Variants in ABCC5 observed in about 807,000 individuals in gnomAD.
ABCC5 encodes ATP-binding cassette sub-family C member 5.
In ABCC5, 61 loss-of-function variants were observed where a neutral mutation model predicts 160.9. That is an observed-to-expected ratio of 0.38 (90% CI 0.31 to 0.47). The LOEUF (loss-of-function observed/expected upper bound fraction) is 0.47, where lower values mean the gene tolerates loss of function less well. Ranked by LOEUF, ABCC5 falls within the 20% of genes least tolerant of loss-of-function variation. The probability of loss-of-function intolerance (pLI) is 0.99; values close to 1 mark genes in which losing one functional copy is unlikely to be tolerated. For synonymous variants in ABCC5, 666 were observed against 700.6 expected, an observed-to-expected ratio of 0.95 and a Z score of 0.78; for missense variants, 1,308 against 1,813.3, an observed-to-expected ratio of 0.72 and a Z score of 5.06.
In ABCC5 at chr3:183,927,328, AC is replaced by A; in HGVS notation, c.4047+1del. On this transcript the variant is annotated splice_donor_variant, in intron 28 of 29. Coordinates refer to ENST00000334444, the MANE Select transcript of ABCC5 (RefSeq NM_005688.4). LOFTEE classifies it high-confidence loss of function. ...GCTGCTGCCAACCCCAAACTGCCTT[AC>A]CTTACAGTGGCGGAGCAGGGCTCTA... is the stretch of plus-strand genomic sequence containing the variant. The A allele has an allele frequency of 6.2e-7, 1 of 1,612,894 alleles. No individual in the cohort carries two copies.
Position 183,988,612 on chromosome 3 carries a change from A to C in ABCC5, c.403T>G (p.Ser135Ala). ...KGELSMEDVW[S>A]LSKHESSDVN... ...TCAGAAGACTCGTGCTTGGACAGAGACCACACGTCTTCCATTGAGAGCTCC... is the reference window on the plus strand; with the variant it reads ...TCAGAAGACTCGTGCTTGGACAGAGCCCACACGTCTTCCATTGAGAGCTCC... Residue 135 changes from serine to alanine, a missense_variant, in exon 4 of 30, where the codon TCT (serine) becomes GCT (alanine). Transcript: ENST00000334444. The surrounding 1 kb of genome is among the most constrained non-coding windows in gnomAD (Gnocchi z 4.4). The C allele has an allele frequency of 6.2e-7, 1 of 1,614,210 alleles. No homozygotes were observed. The highest frequency in any genetic ancestry group is 8.5e-7 in the Non-Finnish European group (1 of 1,180,016).
chr3:183,972,094 G>T, intron 10 of ABCC5, 175 bp from the exon 11 acceptor site: 2 of 1,321,874 alleles, frequency 1.5e-6, no homozygotes, highest in Non-Finnish European at 2.1e-6. Context: ...AAGGGGTCAC[G>T]GGAGTGTGGG....
chr3:183,993,688 A>T (rs1719985675), intron 2 of ABCC5, among the ~76,000 whole-genome samples: 2 of 152,196 alleles, frequency 1.3e-5, no homozygotes, highest in Admixed American at 1.3e-4. Context: ...ATGTGGAAGC[A>T]ACTAAATGCC....
intron 17 of ABCC5, among the ~76,000 whole-genome samples, chr3:183,959,500 C>T (rs1460514963): frequency 6.6e-6 from 1 of 152,172 alleles, no homozygotes; most frequent in Non-Finnish European, 1.5e-5. Context: ...CCCCACCCTG[C>T]ACAGGAGAAG....
intron 25 of ABCC5, 53 bp from the exon 26 acceptor site, chr3:183,938,113 A>T: frequency 6.3e-7 from 1 of 1,586,102 alleles, no homozygotes; most frequent in Non-Finnish European, 8.6e-7. Context: ...GTCTGTGAGG[A>T]CAATGCTGGT....
At chr3:184,006,322 C>T (rs1370569811) in intron 2 of ABCC5, 1 of 145,000 alleles carries the variant, frequency 6.9e-6, no homozygotes, top group Admixed American at 6.9e-5. Flanking sequence ...AAAAAAAAGG[C>T]AGGTATTCTT....
At chr3:183,941,415 T>A (rs190941561) in intron 25 of ABCC5, among the ~76,000 whole-genome samples, 19 of 152,308 alleles carry the variant, frequency 1.2e-4, no homozygotes, top group Middle Eastern at 3.4e-3. Context: ...GAGCAATGTC[T>A]TGTTTTGACG....
At chr3:183,922,368 C>A (rs950358332) in intron 29 of ABCC5, among the ~76,000 whole-genome samples, 1 of 151,730 alleles carries the variant, frequency 6.6e-6, no homozygotes, top group East Asian at 1.9e-4. Flanking sequence ...AGCGAAACTC[C>A]GTCTCAAAAA....
intron 12 of ABCC5, among the ~76,000 whole-genome samples, chr3:183,966,028 C>G (rs1560015460): frequency 6.6e-6 from 1 of 152,206 alleles, no homozygotes; most frequent in African/African-American, 2.4e-5. Context: ...TGCCTGCCCA[C>G]AAGCAGTGAT....
rs553788268 is a variant in ABCC5, at chr3:183,920,530, G to C, written c.*770C>G. On this transcript the variant is annotated 3_prime_UTR_variant, in exon 30 of 30. Transcript: ENST00000334444. This position sits in a 1 kb window ranked among gnomAD's most constrained non-coding sequence, Gnocchi z 4.1. ...AAGAAGGCAGGAAAGAAACTCCCCG[G>C]CTCGGAGGAATGTCTCTGTGATCCC... The C allele has an allele frequency of 6.5e-6, 1 of 152,798 alleles. No homozygotes were observed. The highest frequency in any genetic ancestry group is 2.4e-5 in the African/African-American group (1 of 41,568). 9.5% of individuals were successfully genotyped at this position (152,798 alleles called of 1,614,324 possible).
Position 183,982,655 on chromosome 3 carries a change from CT to C in ABCC5, c.826-32del. The stretch of plus-strand genomic sequence containing the variant: ...AGATACAAAGAGTAGTGAGGGGACC[CT>C]GCAAGGACACGGTTCATTTGTCTCA... On this transcript the variant is annotated intron_variant, in intron 6 of 29. Transcript: ENST00000334444. The surrounding 1 kb of genome is among the most constrained non-coding windows in gnomAD (Gnocchi z 5.2). The C allele has an allele frequency of 6.2e-7, 1 of 1,612,172 alleles. No individual in the cohort carries two copies. The highest frequency in any genetic ancestry group is 8.5e-7 in the Non-Finnish European group (1 of 1,178,570).
intron 2 of ABCC5, among the ~76,000 whole-genome samples, chr3:184,003,568 T>C (rs1384434471): frequency 6.6e-6 from 1 of 152,196 alleles, no homozygotes; most frequent in African/African-American, 2.4e-5. Flanking sequence ...GTCCTATCAC[T>C]CAACAGCTAT....
At chr3:183,927,263 T>C (rs1393200369) in intron 28 of ABCC5, 67 bp downstream of exon 28, 2 of 1,499,404 alleles carry the variant, frequency 1.3e-6, no homozygotes, top group Non-Finnish European at 1.8e-6. Flanking sequence ...TGGACCCCAG[T>C]GTGTCAGGGC....
rs548454055 is a variant in ABCC5, at chr3:183,956,792, G to A, written c.2482+2941C>T. 2.3e-4 allele frequency among the ~76,000 whole-genome samples: 14 copies of A among 60,574 alleles called. 3 individuals carry two copies. Among genetic ancestry groups the A allele is most frequent in the East Asian group, 2.7e-3 (2 of 736 alleles). 39.7% of individuals were successfully genotyped at this position (60,574 alleles called of 152,430 possible). On this transcript the variant is annotated intron_variant, in intron 17 of 29. Coordinates refer to ENST00000334444, the MANE Select transcript of ABCC5 (RefSeq NM_005688.4). ...CATCACATCGGTTACATGCGGATCCGTGTGTATATCACATCTGTTACATGC... is the reference window on the plus strand; with the variant it reads ...CATCACATCGGTTACATGCGGATCCATGTGTATATCACATCTGTTACATGC...
At position 183,988,632 on chromosome 3, in the gene ABCC5, A is replaced by G. The variant is rs1466654977; in HGVS notation, c.383T>C (p.Leu128Pro). The G allele has an allele frequency of 6.2e-7, 1 of 1,614,236 alleles. No homozygotes were observed. Among genetic ancestry groups the G allele is most frequent in the Non-Finnish European group, 8.5e-7 (1 of 1,180,048 alleles). The change falls in exon 4 of 30, where the codon CTC becomes CCC. Residue 128 changes from leucine to proline, a missense_variant. Leu to Pro is a moderately conservative substitution (Grantham distance 98). Transcript: ENST00000334444. This position sits in a 1 kb window ranked among gnomAD's most constrained non-coding sequence, Gnocchi z 4.4. The stretch of plus-strand genomic sequence containing the variant: ...CAGAGACCACACGTCTTCCATTGAG[A>G]GCTCCCCCTTCTTGTGGGCCACACG... The part of the protein sequence containing the change: ...LARVAHKKGE[L>P]SMEDVWSLSK...
In ABCC5 at chr3:183,947,457, G is replaced by A. The variant is rs778463808; in HGVS notation, c.3281C>T (p.Ala1094Val). ...CAGCCGCACAGCCAGCCACCGCATCGCACACGTAAACAAAAAAAAAGGAGC... is the reference window on the plus strand; with the variant it reads ...CAGCCGCACAGCCAGCCACCGCATCACACACGTAAACAAAAAAAAAGGAGC... ...NQAPFFLFTC[A>V]MRWLAVRLDL... Residue 1094 changes from alanine (A) to valine (V), a missense_variant, in exon 23 of 30, where the codon GCG becomes GTG. Transcript: ENST00000334444. 1.9e-5 allele frequency: 30 copies of A among 1,611,372 alleles called. No homozygotes were observed. In the East Asian group the frequency reaches 3.1e-4, roughly 17 times the overall value.
At chr3:183,937,055 G>A (rs957370584) in intron 26 of ABCC5, among the ~76,000 whole-genome samples, 1 of 152,168 alleles carries the variant, frequency 6.6e-6, no homozygotes, top group Non-Finnish European at 1.5e-5. Context: ...AACATGAGTA[G>A]TAATAATGCC....
chr3:183,953,205 T>A lies in ABCC5; in HGVS notation c.2548A>T (p.Ile850Phe). 5 of 1,614,190 alleles carry A rather than the reference T, an allele frequency of 3.1e-6. No individual in the cohort carries two copies. The highest frequency in any genetic ancestry group is 3.4e-6 in the Non-Finnish European group (4 of 1,180,032). ...GCCAAGGGGCCCCCAGCAGCCTGGA[T>A]GTAGACACCATATACTGACCAGGGC... The part of the protein sequence containing the change: ...SVPWSVYGVY[I>F]QAAGGPLAFL... The change falls in exon 18 of 30, where the codon ATC becomes TTC. Residue 850 changes from isoleucine (I) to phenylalanine (F), a missense_variant. This residue lies in a region of ABCC5 where 1,142 missense variants were observed against 1,527.1 expected (regional missense o/e 0.75). Coordinates refer to ENST00000334444, the MANE Select transcript of ABCC5 (RefSeq NM_005688.4).
At chr3:183,984,797 C>T (rs765839972) in intron 5 of ABCC5, 3 of 1,572,072 alleles carry the variant, frequency 1.9e-6, no homozygotes, top group South Asian at 2.3e-5. Flanking sequence ...AGGGCCAAAG[C>T]CCCCTTTTCC....
Sources: allele counts gnomAD v4.1 joint callset (sites outside exome capture counted in the v4.1 genomes callset), GRCh38; gene constraint gnomAD v4.1.1; regional missense constraint gnomAD v4.1.1; non-coding constraint Gnocchi (gnomAD v3.1); transcripts MANE v1.5; gene names NCBI Gene and HGNC (gene_info 2026-07-23, HGNC 2026-07-21).